CELSR1: variants seen among roughly 807,000 people sequenced by gnomAD.
The protein encoded by CELSR1 is adhesion G protein-coupled receptor C1.
In CELSR1, 110 loss-of-function variants were observed where a neutral mutation model predicts 249.1. The ratio of observed to expected loss-of-function variants is 0.44; its 90% CI spans 0.38 to 0.52. The LOEUF (loss-of-function observed/expected upper bound fraction) is 0.52. CELSR1 is among the 20% of genes least tolerant of loss of function. The probability of loss-of-function intolerance (pLI) is 0.00; values close to 1 mark genes in which losing one functional copy is unlikely to be tolerated. For synonymous variants in CELSR1, 2,113 were observed against 1,900.0 expected (o/e 1.11, Z -2.92); for missense variants, 4,109 against 4,296.4 (o/e 0.96, Z 1.22).
intron 2 of CELSR1, among the ~76,000 whole-genome samples, chr22:46,458,110 AGAG>A (rs3838177): frequency 0.21 from 31,358 of 152,022 alleles, 3,513 homozygotes; most frequent in Admixed American, 0.34. Flanking sequence ...CAGGGAGGAC[AGAG>A]GAGTGGGGAC....
chr22:46,376,717 G>C (rs758644066), intron 24 of CELSR1, among the ~76,000 whole-genome samples: 8 of 151,044 alleles, frequency 5.3e-5, no homozygotes, highest in Non-Finnish European at 1.2e-4. Context: ...ATGTACACAA[G>C]AATCACTTGA....
Position 46,410,283 on chromosome 22 carries a change from A to G in CELSR1, c.4933+115T>C. 1 of 1,356,956 alleles carries G rather than the reference A, an allele frequency of 7.4e-7. No individual in the cohort carries two copies. The highest frequency in any genetic ancestry group is 1.0e-6 in the Non-Finnish European group (1 of 977,084). The allele number at this position is 1,356,956 out of a possible 1,614,324, so 84.1% of individuals were successfully genotyped here. On this transcript the variant is annotated intron_variant, in intron 7 of 34. Coordinates refer to ENST00000674500, the MANE Select transcript of CELSR1 (RefSeq NM_001378328.1). This position sits in a 1 kb window ranked among gnomAD's most constrained non-coding sequence, Gnocchi z 6.8. Reference sequence around the variant, plus strand: ...GAGCTGCCCACCGCTGGACACATACATTTCTAAGAAAAACACGGCTCCCCA... The same window carrying G: ...GAGCTGCCCACCGCTGGACACATACGTTTCTAAGAAAAACACGGCTCCCCA...
At chr22:46,460,362 C>A (rs1045364730) in intron 2 of CELSR1, among the ~76,000 whole-genome samples, 1 of 152,264 alleles carries the variant, frequency 6.6e-6, no homozygotes, top group African/African-American at 2.4e-5. Context: ...CTGAGGAGGT[C>A]GGGAAACTTC....
Position 46,412,238 on chromosome 22 carries a change from C to A in CELSR1, c.4612-479G>T, listed in dbSNP as rs947155079. 6.6e-6 allele frequency among the ~76,000 whole-genome samples: 1 copy of A among 152,160 alleles called. No homozygotes were observed. The highest frequency in any genetic ancestry group is 1.5e-5 in the Non-Finnish European group (1 of 68,028). On this transcript the variant is annotated intron_variant, in intron 5 of 34. Transcript: ENST00000674500. The surrounding 1 kb of genome is among the most constrained non-coding windows in gnomAD (Gnocchi z 4.5). ...CCTTCGGAGGAGGCACGGCCCTACC[C>A]GCGCCTTGACTTCTAGGCACCAGAC... is the stretch of plus-strand genomic sequence containing the variant.
intron 18 of CELSR1, 72 bp from the exon 19 acceptor site, chr22:46,386,657 T>A: frequency 7.6e-7 from 1 of 1,317,618 alleles, no homozygotes; most frequent in Non-Finnish European, 1.0e-6. Context: ...ACACCTGCCC[T>A]GAAAGCCTTT....
At chr22:46,431,478 T>A (rs889791113) in intron 5 of CELSR1, among the ~76,000 whole-genome samples, 10 of 152,218 alleles carry the variant, frequency 6.6e-5, no homozygotes, top group Non-Finnish European at 1.5e-4. Context: ...GGTCTTCTGA[T>A]ACGTGCAGGA....
rs1226144794 is a variant in CELSR1, at chr22:46,389,428, G to A, written c.6417C>T (p.Arg2139=). The A allele has an allele frequency of 6.2e-7, 1 of 1,612,866 alleles. No homozygotes were observed. The highest frequency in any genetic ancestry group is 8.5e-7 in the Non-Finnish European group (1 of 1,180,006). ...GCGTGCCCGTGTGCTGTGTAGCACTGCGCAGCGCCCTCACCAGCTGCAGGG... is the reference window on the plus strand; with the variant it reads ...GCGTGCCCGTGTGCTGTGTAGCACTACGCAGCGCCCTCACCAGCTGCAGGG... ...ARALQLVRAL[R]SATQHTGTLF... is the part of the protein sequence containing the mutation. The change falls in exon 18 of 35, where the codon CGC becomes CGT. Residue 2139 remains arginine (R), a synonymous_variant. Transcript: ENST00000674500.
chr22:46,485,010 T>C (rs1343666865), intron 1 of CELSR1, among the ~76,000 whole-genome samples: 1 of 151,942 alleles, frequency 6.6e-6, no homozygotes, highest in Non-Finnish European at 1.5e-5. Flanking sequence ...AGAGACTGAT[T>C]CAGCATGACA....
At position 46,536,060 on chromosome 22, in the gene CELSR1, C is replaced by T. The variant is rs751331634; in HGVS notation, c.1111G>A (p.Glu371Lys). The T allele has an allele frequency of 1.2e-6, 2 of 1,610,990 alleles. No individual in the cohort carries two copies. The highest frequency in any genetic ancestry group is 1.7e-6 in the Non-Finnish European group (2 of 1,179,906). Residue 371 changes from glutamate (E) to lysine (K), a missense_variant, in exon 1 of 35, where the codon GAG becomes AAG. Physicochemically the swap from Glu to Lys is moderately conservative, Grantham distance 56. Transcript: ENST00000674500. ...RVRENLEVGY[E>K]VLTIRASDRD... ...TCGCTGGCGCGGATGGTCAGCACCT[C>T]GTAGCCCACCTCCAGGTTCTCCCGC...
Position 46,364,583 on chromosome 22 carries a change from T to C in CELSR1, c.8708A>G (p.Glu2903Gly). The C allele has an allele frequency of 6.2e-7, 1 of 1,612,612 alleles. No homozygotes were observed. Among genetic ancestry groups the C allele is most frequent in the Non-Finnish European group, 8.5e-7 (1 of 1,179,890 alleles). Reference sequence around the variant, plus strand: ...CCCGCTCTCCTGGTCCGGGGGGTACTCTCCACGGTGACTGCCCTGCTCCTC... The same window carrying C: ...CCCGCTCTCCTGGTCCGGGGGGTACCCTCCACGGTGACTGCCCTGCTCCTC... ...HREEQGSHRG[E>G]YPPDQESGGA... is the part of the protein sequence containing the mutation. The change falls in exon 33 of 35, where the codon GAG becomes GGG. Residue 2903 changes from glutamate (E) to glycine (G), a missense_variant. By Grantham distance (98) the Glu-to-Gly change is moderately conservative. This residue lies in a region of CELSR1 where 1,805 missense variants were observed against 1,831.6 expected (regional missense o/e 0.99). Coordinates refer to ENST00000674500, the MANE Select transcript of CELSR1 (RefSeq NM_001378328.1).
chr22:46,516,501 G>C (rs1457356494), intron 1 of CELSR1, among the ~76,000 whole-genome samples: 1 of 151,858 alleles, frequency 6.6e-6, no homozygotes, highest in East Asian at 1.9e-4. Flanking sequence ...GTTTTGGGGG[G>C]TTTTTTAAAA....
rs191796108 is a variant in CELSR1, at chr22:46,488,485, G to C, written c.3545-24140C>G. On this transcript the variant is annotated intron_variant, in intron 1 of 34. Transcript: ENST00000674500. This position sits in a 1 kb window ranked among gnomAD's most constrained non-coding sequence, Gnocchi z 4.7. ...CCAGTGAGCTCAGTGGGACGGTTCG[G>C]CAGGAACACGGCTTGAACCCACACC... is the stretch of plus-strand genomic sequence containing the variant. 6.6e-6 allele frequency among the ~76,000 whole-genome samples: 1 copy of C among 152,176 alleles called. No homozygotes were observed. Among genetic ancestry groups the C allele is most frequent in the Non-Finnish European group, 1.5e-5 (1 of 68,024 alleles).
In CELSR1 at chr22:46,364,739, G is replaced by A. The variant is rs373970917; in HGVS notation, c.8555-3C>T. 1.9e-5 allele frequency: 30 copies of A among 1,610,692 alleles called. No individual in the cohort carries two copies. The African/African-American group carries it at 3.7e-4, about 20-fold the overall frequency. ...AACGTGGTTGGCCACAGCGTCCCCT[G>A]AGGCACGAGAGCGGTGCTCAGCAGG... On this transcript the variant is annotated splice_polypyrimidine_tract_variant and splice_region_variant and intron_variant, in intron 32 of 34. Transcript: ENST00000674500.
In CELSR1 at chr22:46,433,602, C is replaced by CT. The variant is rs751905697; in HGVS notation, c.4523-122dup. ...TGCACATGGCCACGTCCTCCCTCCC[C>CT]TCCCCACGGCACCATGGTGGGAGGC... On this transcript the variant is annotated intron_variant, in intron 4 of 34. Coordinates refer to ENST00000674500, the MANE Select transcript of CELSR1 (RefSeq NM_001378328.1). This position sits in a 1 kb window ranked among gnomAD's most constrained non-coding sequence, Gnocchi z 5.7. 9.0e-5 allele frequency: 60 copies of CT among 668,432 alleles called. No individual in the cohort carries two copies. Among genetic ancestry groups the CT allele is most frequent in the Non-Finnish European group, 1.4e-4 (53 of 378,290 alleles). 41.4% of individuals were successfully genotyped at this position (668,432 alleles called of 1,614,324 possible).
In CELSR1 at chr22:46,434,418, G is replaced by A. The variant is rs2079633981; in HGVS notation, c.4523-937C>T. 6.6e-6 allele frequency among the ~76,000 whole-genome samples: 1 copy of A among 152,212 alleles called. No individual in the cohort carries two copies. On this transcript the variant is annotated intron_variant, in intron 4 of 34. Coordinates refer to ENST00000674500, the MANE Select transcript of CELSR1 (RefSeq NM_001378328.1). The surrounding 1 kb of genome is among the most constrained non-coding windows in gnomAD (Gnocchi z 4.9). ...CCCGGGCAGAGAATACCGTCTCCAG[G>A]GAACCAGCAGGAGTTCTGGAAACGG...
intron 14 of CELSR1, among the ~76,000 whole-genome samples, chr22:46,392,304 A>G (rs1456131474): frequency 6.6e-6 from 1 of 152,128 alleles, no homozygotes; most frequent in Non-Finnish European, 1.5e-5. Context: ...TGGGCTGGTC[A>G]CCGGGACTCC....
intron 5 of CELSR1, among the ~76,000 whole-genome samples, chr22:46,426,716 A>G (rs936828766): frequency 6.6e-6 from 1 of 152,184 alleles, no homozygotes; most frequent in Non-Finnish European, 1.5e-5. Context: ...GAGGTGGTAA[A>G]GTCATGAGGG....
At chr22:46,368,603 CTTG>C (rs1017149686) in intron 27 of CELSR1, among the ~76,000 whole-genome samples, 1 of 148,078 alleles carries the variant, frequency 6.8e-6, no homozygotes, top group Non-Finnish European at 1.5e-5. Flanking sequence ...AGGGGCTGGC[CTTG>C]TTGTCTGACA....
chr22:46,436,338 A>T lies in CELSR1; in HGVS notation c.4407-49T>A, dbSNP rs771042645. ...TCACAGGATGAAGACCCCAGGGTCC[A>T]AAGGCTGCCTAGGAATGACAAGTCC... is the stretch of plus-strand genomic sequence containing the variant. On this transcript the variant is annotated intron_variant, in intron 3 of 34. Transcript: ENST00000674500. This position sits in a 1 kb window ranked among gnomAD's most constrained non-coding sequence, Gnocchi z 5.9. The T allele has an allele frequency of 6.9e-7, 1 of 1,447,622 alleles. No individual in the cohort carries two copies. The highest frequency in any genetic ancestry group is 1.2e-5 in the South Asian group (1 of 86,828). The allele number at this position is 1,447,622 out of a possible 1,614,324, so 89.7% of individuals were successfully genotyped here.
Sources: allele counts gnomAD v4.1 joint callset (sites outside exome capture counted in the v4.1 genomes callset), GRCh38; gene constraint gnomAD v4.1.1; regional missense constraint gnomAD v4.1.1; non-coding constraint Gnocchi (gnomAD v3.1); transcripts MANE v1.5; gene names NCBI Gene and HGNC (gene_info 2026-07-23, HGNC 2026-07-21).